SLC16A9: variants seen among roughly 807,000 people sequenced by gnomAD.
SLC16A9 encodes monocarboxylate transporter 9.
A neutral mutation model predicts 44.3 loss-of-function variants in SLC16A9; 26 were observed. That is an observed-to-expected ratio of 0.59 (90% CI 0.43 to 0.81). SLC16A9 has a LOEUF of 0.81. Among genes scored for constraint, SLC16A9 ranks in the 40% least tolerant of loss-of-function variants. The pLI, the probability that SLC16A9 is intolerant of heterozygous loss-of-function variation, is 0.00. For synonymous variants in SLC16A9, 230 were observed against 225.1 expected, an observed-to-expected ratio of 1.02 and a Z score of -0.19; for missense variants, 559 against 595.8, an observed-to-expected ratio of 0.94 and a Z score of 0.64.
At chr10:59,657,810 A>C (rs903390769) in intron 4 of SLC16A9, among the ~76,000 whole-genome samples, 1 of 152,152 alleles carries the variant, frequency 6.6e-6, no homozygotes, top group East Asian at 1.9e-4. Context: ...ACTATTTGTA[A>C]ATCAAAAATA....
At position 59,653,667 on chromosome 10, in the gene SLC16A9, T is replaced by C. The variant is rs1839269825; in HGVS notation, c.1351+8A>G. 6.2e-7 allele frequency: 1 copy of C among 1,602,710 alleles called. No individual in the cohort carries two copies. The highest frequency in any genetic ancestry group is 8.5e-7 in the Non-Finnish European group (1 of 1,174,212). ...TAAAATGGGATGATTTTAAGATAAATATCTTACCAACGATGGGTGGTCCTA... is the reference window on the plus strand; with the variant it reads ...TAAAATGGGATGATTTTAAGATAAACATCTTACCAACGATGGGTGGTCCTA... On this transcript the variant is annotated splice_region_variant and intron_variant, in intron 5 of 5. Coordinates refer to ENST00000395348, the MANE Select transcript of SLC16A9 (RefSeq NM_194298.3).
At chr10:59,671,753 A>T (rs1839755478) in intron 3 of SLC16A9, among the ~76,000 whole-genome samples, 1 of 152,074 alleles carries the variant, frequency 6.6e-6, no homozygotes. Flanking sequence ...ATATAAATGG[A>T]CTACTGAGTG....
chr10:59,658,338 C>T (rs1396441200), intron 4 of SLC16A9, among the ~76,000 whole-genome samples: 1 of 121,848 alleles, frequency 8.2e-6, no homozygotes, highest in Non-Finnish European at 1.8e-5. Flanking sequence ...GAGACAGACT[C>T]TCATGGGACT....
chr10:59,676,671 C>T (rs1293684256), intron 2 of SLC16A9, among the ~76,000 whole-genome samples: 1 of 151,934 alleles, frequency 6.6e-6, no homozygotes. Context: ...GCCTGTAATC[C>T]CAGCACTTTG....
chr10:59,689,564 TC>T (rs1840208753), intron 1 of SLC16A9, among the ~76,000 whole-genome samples: 3 of 152,124 alleles, frequency 2.0e-5, no homozygotes, highest in African/African-American at 7.2e-5. Flanking sequence ...AGTTTATGGA[TC>T]CCCATGAAAG....
At chr10:59,653,198 T>A (rs1839251372) in intron 5 of SLC16A9, among the ~76,000 whole-genome samples, 1 of 151,080 alleles carries the variant, frequency 6.6e-6, no homozygotes, top group Non-Finnish European at 1.5e-5. Flanking sequence ...GGCGGGCGGA[T>A]CACGAGGTCA....
chr10:59,694,190 C>T (rs1057402931), intron 1 of SLC16A9, among the ~76,000 whole-genome samples: 1 of 152,110 alleles, frequency 6.6e-6, no homozygotes, highest in South Asian at 2.1e-4. Flanking sequence ...CCACCTGCCT[C>T]GGCCTCCCAA....
At chr10:59,701,971 A>G (rs1315056316) in intron 1 of SLC16A9, among the ~76,000 whole-genome samples, 1 of 152,222 alleles carries the variant, frequency 6.6e-6, no homozygotes, top group East Asian at 1.9e-4. Context: ...ATTACAATAG[A>G]TTGTTATTTG....
At chr10:59,703,847 T>C (rs1320632468) in intron 1 of SLC16A9, among the ~76,000 whole-genome samples, 3 of 152,002 alleles carry the variant, frequency 2.0e-5, no homozygotes, top group Non-Finnish European at 4.4e-5. Flanking sequence ...GCCTCCCAGG[T>C]AGCTGGGACT....
rs1840081163 is a variant in SLC16A9 at position 59,684,167 on chromosome 10, T to A, written c.125A>T (p.Asp42Val). The A allele has an allele frequency of 6.2e-7, 1 of 1,613,950 alleles. No individual in the cohort carries two copies. Among genetic ancestry groups the A allele is most frequent in the Non-Finnish European group, 8.5e-7 (1 of 1,179,978 alleles). Reference protein sequence around the residue: ...AVGVLYIEWLDAFGEGKGKTA... With the variant: ...AVGVLYIEWLVAFGEGKGKTA... ...TTTTCCTTTTCCTTCACCAAAGGCA[T>A]CCAGCCATTCTATGTACAGGACTCC... Residue 42 changes from aspartate to valine, a missense_variant, in exon 2 of 6, where the codon GAT becomes GTT. By Grantham distance (152) the Asp-to-Val change is radical (BLOSUM62 -3). Coordinates refer to ENST00000395348, the MANE Select transcript of SLC16A9 (RefSeq NM_194298.3).
intron 3 of SLC16A9, among the ~76,000 whole-genome samples, chr10:59,666,936 G>A (rs1469124707): frequency 6.7e-6 from 1 of 150,212 alleles, no homozygotes; most frequent in African/African-American, 2.5e-5. Context: ...GCATTTGACA[G>A]CTTCCCAATT....
intron 1 of SLC16A9, among the ~76,000 whole-genome samples, chr10:59,697,746 A>AAAT (rs1840429486): frequency 1.3e-5 from 2 of 150,326 alleles, no homozygotes; most frequent in African/African-American, 4.9e-5. Flanking sequence ...AATAAAATAA[A>AAAT]AAATAAATAA....
intron 4 of SLC16A9, among the ~76,000 whole-genome samples, chr10:59,661,786 G>A (rs1839481136): frequency 6.6e-6 from 1 of 151,276 alleles, no homozygotes; most frequent in Admixed American, 6.6e-5. Flanking sequence ...CCAAAACAGA[G>A]ATATAGACCA....
At chr10:59,666,604 C>T (rs528586527) in intron 3 of SLC16A9, among the ~76,000 whole-genome samples, 2 of 152,098 alleles carry the variant, frequency 1.3e-5, no homozygotes, top group Non-Finnish European at 2.9e-5. Flanking sequence ...ACAACCACAC[C>T]CTCACAGTAA....
chr10:59,662,251 G>A (rs10763616), intron 4 of SLC16A9, among the ~76,000 whole-genome samples: 151,964 of 151,984 alleles, frequency 1, 75,972 homozygotes, highest in Non-Finnish European at 1. Context: ...TAAAGGGCTA[G>A]TATCCAGAAT....
chr10:59,652,477 C>A lies in SLC16A9; in HGVS notation c.*295G>T. The A allele has an allele frequency of 4.6e-6, 1 of 219,402 alleles. No homozygotes were observed. The highest frequency in any genetic ancestry group is 8.9e-6 in the Non-Finnish European group (1 of 112,806). The allele number at this position is 219,402 out of a possible 1,614,324, so 13.6% of individuals were successfully genotyped here. A position where few individuals can be genotyped will look rare whatever the true frequency, so the allele number is the denominator to read the frequency against. Reference sequence around the variant, plus strand: ...ATTATACTTCTTTACACAGAGAAAGCCTTCTGAGGCTGGTCAAACTTTTTA... The same window carrying A: ...ATTATACTTCTTTACACAGAGAAAGACTTCTGAGGCTGGTCAAACTTTTTA... On this transcript the variant is annotated 3_prime_UTR_variant, in exon 6 of 6. Transcript: ENST00000395348.
chr10:59,707,858 A>G (rs1840679923), intron 1 of SLC16A9, among the ~76,000 whole-genome samples: 1 of 152,218 alleles, frequency 6.6e-6, no homozygotes, highest in Admixed American at 6.5e-5. Context: ...GTGTCCTGAT[A>G]AAGATTCAGA....
intron 1 of SLC16A9, among the ~76,000 whole-genome samples, chr10:59,709,057 T>G (rs951292527): frequency 6.6e-6 from 1 of 152,188 alleles, no homozygotes; most frequent in Non-Finnish European, 1.5e-5. Flanking sequence ...CCAAGGCAGT[T>G]GGAGGCCTTT....
At chr10:59,659,516 T>G (rs928467546) in intron 4 of SLC16A9, among the ~76,000 whole-genome samples, 1 of 152,168 alleles carries the variant, frequency 6.6e-6, no homozygotes, top group Non-Finnish European at 1.5e-5. Flanking sequence ...CTTAGAGACC[T>G]ATAAGGAGAC....
Sources: allele counts gnomAD v4.1 joint callset (sites outside exome capture counted in the v4.1 genomes callset), GRCh38; gene constraint gnomAD v4.1.1; transcripts MANE v1.5; gene names NCBI Gene and HGNC (gene_info 2026-07-23, HGNC 2026-07-21).